AFTPH: variants seen among roughly 807,000 people sequenced by gnomAD.
AFTPH encodes the protein aftiphilin.
In AFTPH, 7 loss-of-function variants were observed where a neutral mutation model predicts 72.5. That is an observed-to-expected ratio of 0.10 (90% CI 0.05 to 0.18). The LOEUF (loss-of-function observed/expected upper bound fraction) is 0.18. Ranked by LOEUF, AFTPH falls within the 10% of genes least tolerant of loss-of-function variation. The pLI is 1.00. For synonymous variants in AFTPH, 337 were observed against 370.1 expected (o/e 0.91, Z 1.03); for missense variants, 979 against 1,060.5 (o/e 0.92, Z 1.07).
chr2:64,558,867 G>A (rs1045161686), intron 2 of AFTPH, among the ~76,000 whole-genome samples: 1 of 152,092 alleles, frequency 6.6e-6, no homozygotes, highest in African/African-American at 2.4e-5. Context: ...TCCATTGCAG[G>A]GCACACTCAC....
intron 1 of AFTPH, among the ~76,000 whole-genome samples, chr2:64,529,601 T>C (rs151212845): frequency 1.3e-5 from 2 of 151,034 alleles, no homozygotes; most frequent in African/African-American, 2.4e-5. Flanking sequence ...AGGAGCATCA[T>C]AGAAAATAGA....
chr2:64,551,424 CT>C lies in AFTPH; in HGVS notation c.-32-12del, dbSNP rs771522748. ...ATGTAATCTGTCCCCTCCAAAAATT[CT>C]TTTTTTCTTTTTTACAGGTGTAAAT... On this transcript the variant is annotated intron_variant, in intron 1 of 8. Coordinates refer to ENST00000238856, the Ensembl canonical transcript of AFTPH. 1.2e-5 allele frequency: 19 copies of C among 1,545,624 alleles called. No homozygotes were observed. Among genetic ancestry groups the C allele is most frequent in the Admixed American group, 1.1e-4 (5 of 46,968 alleles).
chr2:64,545,707 T>TA (rs202189278), intron 1 of AFTPH, among the ~76,000 whole-genome samples: 74,605 of 148,130 alleles, frequency 0.5, 22,358 homozygotes, highest in African/African-American at 0.86. Context: ...GCATACATAA[T>TA]ATCCTTTCAA....
chr2:64,558,250 C>T (rs1183149263), intron 2 of AFTPH, among the ~76,000 whole-genome samples: 4 of 152,054 alleles, frequency 2.6e-5, no homozygotes, highest in African/African-American at 4.8e-5. Context: ...CAAGAGTTAC[C>T]TTAAATATAA....
intron 2 of AFTPH, among the ~76,000 whole-genome samples, chr2:64,564,637 AAAT>A (rs1373709159): frequency 9.6e-5 from 6 of 62,800 alleles, no homozygotes; most frequent in African/African-American, 2.2e-4. Context: ...ATAAAAAATA[AAAT>A]AAATAAATGC....
At chr2:64,550,720 CACACACACACAA>C (rs1333872538) in intron 1 of AFTPH, among the ~76,000 whole-genome samples, 10 of 121,562 alleles carry the variant, frequency 8.2e-5, no homozygotes, top group African/African-American at 2.8e-4. Context: ...CACACACACA[CACACACACACAA>C]CTGGTGAAAT....
rs747367618 is a variant in AFTPH at position 64,559,322 on chromosome 2, T to TAG, written c.1935+5925_1935+5926dup. Among the ~76,000 whole-genome samples the TAG allele has an allele frequency of 1.6e-4, 25 of 151,864 alleles. No individual in the cohort carries two copies. The South Asian group carries it at 3.5e-3, about 22-fold the overall frequency. On this transcript the variant is annotated intron_variant, in intron 2 of 8. Coordinates refer to ENST00000238856, the Ensembl canonical transcript of AFTPH. ...GGAGGGGAAGTAGAAGTGGAGGTAG[T>TAG]AGAGAGAGAGAGATTGATTATTGGA...
chr2:64,535,351 TAGAA>T (rs1381769720), intron 1 of AFTPH, among the ~76,000 whole-genome samples: 10 of 152,108 alleles, frequency 6.6e-5, no homozygotes, highest in African/African-American at 1.9e-4. Context: ...AAAAAGTTAA[TAGAA>T]AGCTAAGGTT....
chr2:64,569,505 C>T, intron 4 of AFTPH, 118 bp from the exon 5 acceptor site: 1 of 1,201,768 alleles, frequency 8.3e-7, no homozygotes, highest in Non-Finnish European at 1.2e-6. Context: ...TTTTAAGTTT[C>T]ATCAATTTAT....
rs551799112 is a variant in AFTPH, at chr2:64,591,819, G to A, written c.2580-66G>A. 79 of 1,542,784 alleles carry A rather than the reference G, an allele frequency of 5.1e-5. No individual in the cohort carries two copies. In the Middle Eastern group the frequency reaches 1.0e-3, roughly 20 times the overall value. On this transcript the variant is annotated intron_variant, in intron 8 of 8. Transcript: ENST00000238856. ...ATTGCTAACTGTCTACCTTGAGAGTGGATTGTCTCCCATTTTACCTACAGC... is the reference window on the plus strand; with the variant it reads ...ATTGCTAACTGTCTACCTTGAGAGTAGATTGTCTCCCATTTTACCTACAGC...
rs781685888 is a variant in AFTPH, at chr2:64,552,133, A to G, written c.659A>G (p.Asn220Ser). Residue 220 changes from asparagine (N) to serine (S), a missense_variant, in exon 2 of 9, where the codon AAT becomes AGT. By Grantham distance (46) the Asn-to-Ser change is conservative (BLOSUM62 1). Transcript: ENST00000238856. ...CTTAGCACTCATAGCACTGAGTATAATTTAGACTCTGTACCTAGTCCTGCT... is the reference window on the plus strand; with the variant it reads ...CTTAGCACTCATAGCACTGAGTATAGTTTAGACTCTGTACCTAGTCCTGCT... The G allele has an allele frequency of 2.2e-5, 35 of 1,614,152 alleles. 2 individuals are homozygous for G. In the Middle Eastern group the frequency reaches 2.5e-3, roughly 114 times the overall value.
intron 1 of AFTPH, among the ~76,000 whole-genome samples, chr2:64,528,158 C>G (rs1669393028): frequency 6.6e-6 from 1 of 152,086 alleles, no homozygotes; most frequent in Non-Finnish European, 1.5e-5. Context: ...TGAATAATTC[C>G]CATCGGAAAA....
chr2:64,530,992 G>A (rs746853618), intron 1 of AFTPH, among the ~76,000 whole-genome samples: 1 of 150,364 alleles, frequency 6.7e-6, no homozygotes, highest in Non-Finnish European at 1.5e-5. Context: ...AACCCGGGAG[G>A]TGGAGATTGC....
At chr2:64,534,673 T>G (rs1207068195) in intron 1 of AFTPH, among the ~76,000 whole-genome samples, 3 of 152,014 alleles carry the variant, frequency 2.0e-5, no homozygotes, top group African/African-American at 7.2e-5. Flanking sequence ...TTGTTGTTGG[T>G]GTTGCTGTTC....
intron 1 of AFTPH, among the ~76,000 whole-genome samples, chr2:64,538,625 C>T (rs907496432): frequency 8.5e-5 from 13 of 152,206 alleles, no homozygotes; most frequent in African/African-American, 2.7e-4. Context: ...TCTGTCACTT[C>T]ATTGCCTCCA....
At chr2:64,575,701 ATATGTGTGTGTGTGTGTG>A (rs1672724962) in intron 6 of AFTPH, among the ~76,000 whole-genome samples, 1 of 115,580 alleles carries the variant, frequency 8.7e-6, no homozygotes, top group African/African-American at 3.3e-5. Context: ...GTATGTGTGT[ATATGTGTGTGTGTGTGTG>A]TGTGTGTGTG....
In AFTPH at chr2:64,566,594, G is replaced by A. The variant is rs543147767; in HGVS notation, c.1936-968G>A. Among the ~76,000 whole-genome samples, 68 of 152,158 alleles carry A rather than the reference G, an allele frequency of 4.5e-4. 1 individual carries two copies. In the South Asian group the frequency reaches 0.014, roughly 31 times the overall value. ...ACAGGCTTTAACTTAATAACAATTT[G>A]TATTCCCAGTTGATGTTTAAATGGT... On this transcript the variant is annotated intron_variant, in intron 2 of 8. Coordinates refer to ENST00000238856, the Ensembl canonical transcript of AFTPH.
exon 2 of AFTPH, chr2:64,552,284 C>T: frequency 1.2e-6 from 2 of 1,614,016 alleles, no homozygotes; most frequent in Non-Finnish European, 8.5e-7. Flanking sequence ...TTAATAGAGT[C>T]AATGAACTGA....
At chr2:64,528,267 G>A (rs1669398314) in intron 1 of AFTPH, among the ~76,000 whole-genome samples, 1 of 152,102 alleles carries the variant, frequency 6.6e-6, no homozygotes, top group Non-Finnish European at 1.5e-5. Context: ...CTGACACCAT[G>A]CATGTTATCT....
Sources: allele counts gnomAD v4.1 joint callset (sites outside exome capture counted in the v4.1 genomes callset), GRCh38; gene constraint gnomAD v4.1.1; transcripts MANE v1.5; gene names NCBI Gene and HGNC (gene_info 2026-07-23, HGNC 2026-07-21).